Variants in PAPPA observed in about 807,000 individuals in gnomAD.
PAPPA encodes the protein pappalysin-1.
A neutral mutation model predicts 164.0 loss-of-function variants in PAPPA; 60 were observed. That is an observed-to-expected ratio of 0.37 (90% CI 0.30 to 0.45). The LOEUF is 0.45. PAPPA is among the 20% of genes least tolerant of loss of function. The pLI, the probability that PAPPA is intolerant of heterozygous loss-of-function variation, is 1.00. For synonymous variants in PAPPA, 875 were observed against 814.1 expected, an observed-to-expected ratio of 1.07 and a Z score of -1.27; for missense variants, 1,782 against 2,087.3, an observed-to-expected ratio of 0.85 and a Z score of 2.85.
chr9:116,245,649 T>A (rs1844788229), intron 7 of PAPPA, among the ~76,000 whole-genome samples: 2 of 152,192 alleles, frequency 1.3e-5, no homozygotes, highest in African/African-American at 4.8e-5. Context: ...ATATCTGGAA[T>A]GAGGGAAACG....
intron 7 of PAPPA, among the ~76,000 whole-genome samples, chr9:116,248,328 C>G (rs111831104): frequency 6.6e-6 from 1 of 152,194 alleles, no homozygotes; most frequent in Non-Finnish European, 1.5e-5. Context: ...TTGTTGTGTC[C>G]TTGATCAGGT....
rs1485221046 is a variant in PAPPA at position 116,397,594 on chromosome 9, G to T, written c.*978G>T. Reference sequence around the variant, plus strand: ...TAGCTCCTCACTTTTTAGCCCTTCTGCAAGAGAAAAACCCTCATGGGTCCA... The same window carrying T: ...TAGCTCCTCACTTTTTAGCCCTTCTTCAAGAGAAAAACCCTCATGGGTCCA... On this transcript the variant is annotated 3_prime_UTR_variant, in exon 22 of 22. Coordinates refer to ENST00000328252, the MANE Select transcript of PAPPA (RefSeq NM_002581.5). 1 of 152,626 alleles carries T rather than the reference G, an allele frequency of 6.6e-6. No individual in the cohort carries two copies. The highest frequency in any genetic ancestry group is 1.5e-5 in the Non-Finnish European group (1 of 68,048). 9.5% of individuals were successfully genotyped at this position (152,626 alleles called of 1,614,324 possible).
intron 4 of PAPPA, among the ~76,000 whole-genome samples, chr9:116,217,564 G>A (rs1022383978): frequency 2.0e-5 from 3 of 152,042 alleles, no homozygotes; most frequent in Admixed American, 2.0e-4. Flanking sequence ...CTTATTGTTA[G>A]ATCAAAGAGA....
chr9:116,160,615 T>C (rs968828038), intron 1 of PAPPA, among the ~76,000 whole-genome samples: 2 of 152,184 alleles, frequency 1.3e-5, no homozygotes, highest in Non-Finnish European at 2.9e-5. Context: ...GAGGACTCCC[T>C]CTATGGGCAA....
chr9:116,388,177 C>G (rs1846841502), intron 21 of PAPPA, among the ~76,000 whole-genome samples: 1 of 152,174 alleles, frequency 6.6e-6, no homozygotes, highest in African/African-American at 2.4e-5. Context: ...GAAACTCTGT[C>G]TGACAGGGGT....
chr9:116,206,134 G>A (rs546223466), intron 2 of PAPPA, among the ~76,000 whole-genome samples: 1 of 152,316 alleles, frequency 6.6e-6, no homozygotes, highest in East Asian at 1.9e-4. Flanking sequence ...GGGAAGAGAA[G>A]GGCTCAGCAG....
At chr9:116,310,649 TC>T (rs1587998203) in intron 10 of PAPPA, among the ~76,000 whole-genome samples, 1 of 152,180 alleles carries the variant, frequency 6.6e-6, no homozygotes, top group Admixed American at 6.5e-5. Flanking sequence ...CTCCTGGCTC[TC>T]TCTTCTATTC....
chr9:116,353,164 C>A (rs1846306406), intron 16 of PAPPA, among the ~76,000 whole-genome samples: 1 of 152,136 alleles, frequency 6.6e-6, no homozygotes, highest in Non-Finnish European at 1.5e-5. Flanking sequence ...TACTTCTCTG[C>A]ACTTCATTTT....
At chr9:116,256,009 GAAA>G (rs60349827) in intron 7 of PAPPA, among the ~76,000 whole-genome samples, 1 of 134,422 alleles carries the variant, frequency 7.4e-6, no homozygotes, top group African/African-American at 2.7e-5. Context: ...AAAATTAAGT[GAAA>G]AAAAAAAAAA....
chr9:116,359,072 C>A (rs1368799131), intron 17 of PAPPA, among the ~76,000 whole-genome samples: 1 of 152,160 alleles, frequency 6.6e-6, no homozygotes, highest in Non-Finnish European at 1.5e-5. Flanking sequence ...TAAAGAGCAT[C>A]CCCAAATCTA....
chr9:116,272,050 G>A (rs767845413), intron 9 of PAPPA, among the ~76,000 whole-genome samples: 10 of 152,180 alleles, frequency 6.6e-5, no homozygotes, highest in South Asian at 2.1e-4. Flanking sequence ...CACCTTCACC[G>A]AGTCATTTGG....
At chr9:116,313,964 GA>G (rs1291594364) in intron 10 of PAPPA, among the ~76,000 whole-genome samples, 1 of 147,800 alleles carries the variant, frequency 6.8e-6, no homozygotes, top group Non-Finnish European at 1.5e-5. Context: ...GAGATGGTGA[GA>G]ATTCCATGGG....
chr9:116,384,212 G>A lies in PAPPA; in HGVS notation c.4776+1719G>A, dbSNP rs564166097. Reference sequence around the variant, plus strand: ...AGGCCAAGATGGGTGAATCACTTGGGACCAGGAGTTGGAGACCAGCCAGAG... The same window carrying A: ...AGGCCAAGATGGGTGAATCACTTGGAACCAGGAGTTGGAGACCAGCCAGAG... On this transcript the variant is annotated intron_variant, in intron 21 of 21. Transcript: ENST00000328252. 7.3e-5 allele frequency among the ~76,000 whole-genome samples: 11 copies of A among 151,498 alleles called. No individual in the cohort carries two copies. In the East Asian group the frequency reaches 1.4e-3, roughly 19 times the overall value.
intron 21 of PAPPA, among the ~76,000 whole-genome samples, chr9:116,383,445 C>G (rs1394505469): frequency 1.3e-5 from 2 of 152,206 alleles, no homozygotes; most frequent in Non-Finnish European, 2.9e-5. Context: ...CCCTCTATGA[C>G]TATCTTGGCC....
In PAPPA at chr9:116,187,188, C is replaced by T. The variant is rs1241281170; in HGVS notation, c.450C>T (p.Asp150=). 6.2e-7 allele frequency: 1 copy of T among 1,613,906 alleles called. No homozygotes were observed. Among genetic ancestry groups the T allele is most frequent in the Non-Finnish European group, 8.5e-7 (1 of 1,179,950 alleles). ...ACAAATGTTCTTATATCTCACGTGA[C>T]CGAGGATGGGTCGTGGGCATTCACA... The part of the protein sequence containing the change: ...LYDKCSYISR[D]RGWVVGIHTI... Residue 150 remains aspartate, a synonymous_variant, in exon 2 of 22, where the codon GAC becomes GAT. Transcript: ENST00000328252. The surrounding 1 kb of genome is among the most constrained non-coding windows in gnomAD (Gnocchi z 4.2).
In PAPPA at chr9:116,402,143, T is replaced by C. The variant is rs558396342; in HGVS notation, c.*5527T>C. 2.0e-5 allele frequency: 3 copies of C among 152,748 alleles called. No homozygotes were observed. The highest frequency in any genetic ancestry group is 7.2e-5 in the African/African-American group (3 of 41,586). The allele number at this position is 152,748 out of a possible 1,614,324, so 9.5% of individuals were successfully genotyped here. A position where few individuals can be genotyped will look rare whatever the true frequency, so the allele number is the denominator to read the frequency against. The stretch of plus-strand genomic sequence containing the variant: ...TTTTAAATACTCAGACATATTTTGC[T>C]GTTCATGATATTTTTATCCTGTTCT... On this transcript the variant is annotated 3_prime_UTR_variant, in exon 22 of 22. Transcript: ENST00000328252.
chr9:116,162,319 C>T (rs761363493), intron 1 of PAPPA, among the ~76,000 whole-genome samples: 14 of 152,126 alleles, frequency 9.2e-5, no homozygotes, highest in African/African-American at 1.9e-4. Context: ...AGTATTGTGA[C>T]GATACACACA....
chr9:116,277,181 A>T (rs1038288180), intron 9 of PAPPA, among the ~76,000 whole-genome samples: 2 of 152,216 alleles, frequency 1.3e-5, no homozygotes, highest in Non-Finnish European at 2.9e-5. Context: ...CCTTAAAAAA[A>T]TTAAAATTAA....
intron 4 of PAPPA, among the ~76,000 whole-genome samples, chr9:116,218,293 A>G (rs1488147914): frequency 6.6e-6 from 1 of 152,184 alleles, no homozygotes; most frequent in African/African-American, 2.4e-5. Context: ...TCTCAAAGCC[A>G]TGTATATAGC....
Sources: gnomAD v4.1 joint callset for allele counts (sites outside exome capture counted in the v4.1 genomes callset) on GRCh38, gnomAD v4.1.1 for gene constraint, Gnocchi (gnomAD v3.1) non-coding constraint, MANE v1.5 for transcripts, NCBI Gene and HGNC (gene_info 2026-07-23, HGNC 2026-07-21) for gene names.